GALNTL6: variants seen among roughly 807,000 people sequenced by gnomAD.
GALNTL6 encodes polypeptide N-acetylgalactosaminyltransferase-like 6.
GALNTL6 carries 46 observed loss-of-function variants against 73.7 expected under a neutral mutation model. The observed-to-expected ratio is 0.62, with a 90% CI of 0.49 to 0.80. GALNTL6 has a LOEUF of 0.80. Among genes scored for constraint, GALNTL6 ranks in the 30% least tolerant of loss-of-function variants. The pLI, the probability that GALNTL6 is intolerant of heterozygous loss-of-function variation, is 0.00. For missense variants in GALNTL6, 604 were observed against 755.0 expected (o/e 0.80, Z 2.34); for synonymous variants, 259 against 263.7 (o/e 0.98, Z 0.17).
At chr4:172,169,466 C>T (rs1409581203) in intron 2 of GALNTL6, among the ~76,000 whole-genome samples, 1 of 152,160 alleles carries the variant, frequency 6.6e-6, no homozygotes, top group Non-Finnish European at 1.5e-5. Context: ...TGTAGTTTGA[C>T]ACTTTCTTTG....
At chr4:171,987,447 C>T (rs762639805) in intron 2 of GALNTL6, among the ~76,000 whole-genome samples, 27 of 152,092 alleles carry the variant, frequency 1.8e-4, no homozygotes, top group Admixed American at 4.6e-4. Flanking sequence ...CCTTCTCAGA[C>T]GCTGTAGGAA....
chr4:172,756,410 G>T (rs1348202553), intron 5 of GALNTL6, among the ~76,000 whole-genome samples: 14 of 150,728 alleles, frequency 9.3e-5, no homozygotes, highest in Non-Finnish European at 1.0e-4. Flanking sequence ...TTAGGAGGCT[G>T]AGGCGGGCAG....
In GALNTL6 at chr4:172,192,317, A is replaced by G. The variant is rs1200981563; in HGVS notation, c.139-37339A>G. On this transcript the variant is annotated intron_variant, in intron 2 of 12. Transcript: ENST00000506823. ...AAAGACTTTGACAGACAATGTAAAA[A>G]AATTTTAAAGGCCTGAAGTCAATTA... Among the ~76,000 whole-genome samples, 5 of 152,180 alleles carry G rather than the reference A, an allele frequency of 3.3e-5. No individual in the cohort carries two copies. In the East Asian group the frequency reaches 9.7e-4, roughly 29 times the overall value.
At chr4:172,039,921 GACA>G (rs1243740547) in intron 2 of GALNTL6, among the ~76,000 whole-genome samples, 1 of 151,656 alleles carries the variant, frequency 6.6e-6, no homozygotes, top group African/African-American at 2.4e-5. Context: ...CTGTGAGAAA[GACA>G]ACTTCAGGGC....
intron 5 of GALNTL6, among the ~76,000 whole-genome samples, chr4:172,803,851 A>G (rs1478007993): frequency 6.6e-6 from 1 of 152,224 alleles, no homozygotes. Flanking sequence ...AGAAGCAATT[A>G]AACATGGTTT....
intron 2 of GALNTL6, among the ~76,000 whole-genome samples, chr4:171,846,532 A>C (rs1735375893): frequency 6.6e-6 from 1 of 152,076 alleles, no homozygotes; most frequent in South Asian, 2.1e-4. Context: ...GAGTGGCCTC[A>C]GTTAAGTCAC....
intron 11 of GALNTL6, among the ~76,000 whole-genome samples, chr4:173,020,646 G>A (rs1752953363): frequency 6.6e-6 from 1 of 152,148 alleles, no homozygotes; most frequent in Non-Finnish European, 1.5e-5. Context: ...CTTTACATTA[G>A]GTTTTTCAAG....
At chr4:172,880,093 T>G (rs1479124278) in intron 7 of GALNTL6, among the ~76,000 whole-genome samples, 1 of 152,080 alleles carries the variant, frequency 6.6e-6, no homozygotes, top group Non-Finnish European at 1.5e-5. Flanking sequence ...GAAAACAGTT[T>G]GGCAGTTTAT....
intron 2 of GALNTL6, among the ~76,000 whole-genome samples, chr4:172,099,418 T>A (rs1732449188): frequency 6.6e-6 from 1 of 152,170 alleles, no homozygotes; most frequent in Non-Finnish European, 1.5e-5. Context: ...ATACCCGCCA[T>A]TTAGTCCATC....
chr4:172,026,202 A>C (rs1214849820), intron 2 of GALNTL6, among the ~76,000 whole-genome samples: 7 of 140,314 alleles, frequency 5.0e-5, no homozygotes, highest in Non-Finnish European at 7.7e-5. Flanking sequence ...CATTTGTTTC[A>C]ATTAAACCCT....
At chr4:172,487,618 C>T (rs1207948369) in intron 5 of GALNTL6, among the ~76,000 whole-genome samples, 2 of 151,888 alleles carry the variant, frequency 1.3e-5, no homozygotes, top group Non-Finnish European at 2.9e-5. Flanking sequence ...GAACTCCTGA[C>T]CTCAGGTGAT....
chr4:171,955,764 C>T (rs2332433), intron 2 of GALNTL6, among the ~76,000 whole-genome samples: 71,990 of 122,368 alleles, frequency 0.59, 17,571 homozygotes, highest in Middle Eastern at 0.7. Context: ...TGTGTGTATA[C>T]GTGTGTGTAT....
chr4:171,837,022 G>A (rs1235857474), intron 2 of GALNTL6, among the ~76,000 whole-genome samples: 6 of 152,064 alleles, frequency 3.9e-5, no homozygotes, highest in Non-Finnish European at 8.8e-5. Context: ...ATTACAAAGG[G>A]GAAAAGAGCA....
chr4:172,908,017 A>G (rs10029692), intron 8 of GALNTL6, among the ~76,000 whole-genome samples: 7,160 of 152,240 alleles, frequency 0.047, 461 homozygotes, highest in African/African-American at 0.14. Flanking sequence ...TACTGCAGCA[A>G]TGTCACAGTT....
At chr4:172,183,165 T>C (rs1735307512) in intron 2 of GALNTL6, among the ~76,000 whole-genome samples, 1 of 152,234 alleles carries the variant, frequency 6.6e-6, no homozygotes, top group African/African-American at 2.4e-5. Flanking sequence ...AATCTGTGAA[T>C]ATTATCAAAT....
intron 8 of GALNTL6, among the ~76,000 whole-genome samples, chr4:172,904,643 T>G (rs991745622): frequency 6.6e-6 from 1 of 152,200 alleles, no homozygotes; most frequent in African/African-American, 2.4e-5. Context: ...CTCTCCACCC[T>G]GGTCCTCCAG....
At chr4:171,952,388 G>A (rs1307021393) in intron 2 of GALNTL6, among the ~76,000 whole-genome samples, 1 of 151,458 alleles carries the variant, frequency 6.6e-6, no homozygotes, top group African/African-American at 2.4e-5. Flanking sequence ...TATTCAAATG[G>A]TTTTAAAAAA....
At chr4:172,765,197 G>C (rs1295741723) in intron 5 of GALNTL6, among the ~76,000 whole-genome samples, 2 of 152,150 alleles carry the variant, frequency 1.3e-5, no homozygotes, top group Admixed American at 1.3e-4. Context: ...CAGACAGAGA[G>C]AAATACATTT....
chr4:172,840,276 A>G (rs547658543), intron 7 of GALNTL6, among the ~76,000 whole-genome samples: 2 of 152,332 alleles, frequency 1.3e-5, no homozygotes, highest in African/African-American at 2.4e-5. Flanking sequence ...GACGGTCATC[A>G]TATAGAAAGT....
Sources: allele counts gnomAD v4.1 joint callset (sites outside exome capture counted in the v4.1 genomes callset), GRCh38; gene constraint gnomAD v4.1.1; transcripts MANE v1.5; gene names NCBI Gene and HGNC (gene_info 2026-07-23, HGNC 2026-07-21).